Variants in DNM1 observed in about 807,000 individuals in gnomAD.
DNM1 encodes the protein dynamin-1.
DNM1 carries 29 observed loss-of-function variants against 104.6 expected under a neutral mutation model. The observed-to-expected ratio is 0.28, with a 90% confidence interval of 0.21 to 0.38. The LOEUF is 0.38. DNM1 is among the 10% of genes least tolerant of loss of function. The probability of loss-of-function intolerance (pLI) is 1.00; values close to 1 mark genes in which losing one functional copy is unlikely to be tolerated. For synonymous variants in DNM1, 445 were observed against 475.8 expected (o/e 0.94, Z 0.84); for missense variants, 640 against 1,189.4 (o/e 0.54, Z 6.79).
In DNM1 at chr9:128,233,815, C is replaced by T. The variant is rs1266972224; in HGVS notation, c.1336-206C>T. 2.6e-5 allele frequency: 15 copies of T among 587,306 alleles called. No homozygotes were observed. The Admixed American group carries it at 3.0e-4, about 12-fold the overall frequency. The allele number at this position is 587,306 out of a possible 1,614,324, so 36.4% of individuals were successfully genotyped here. A position where few individuals can be genotyped will look rare whatever the true frequency, so the allele number is the denominator to read the frequency against. ...GGAACCAGGAAGACCCTTGAATCAC[C>T]ATTTGGAACCCACACTTGGGGGAAA... is the stretch of plus-strand genomic sequence containing the variant. On this transcript the variant is annotated intron_variant, in intron 10 of 21. Coordinates refer to ENST00000372923, the MANE Select transcript of DNM1 (RefSeq NM_004408.4).
chr9:128,234,062 C>T lies in DNM1; in HGVS notation c.1377C>T (p.Ile459=), dbSNP rs756256016. Reference sequence around the variant, plus strand: ...GGCTACGGGAGGAGATGGAGCGCATCGTGACCACCCACATCCGGGAGCGCG... The same window carrying T: ...GGCTACGGGAGGAGATGGAGCGCATTGTGACCACCCACATCCGGGAGCGCG... ...YPRLREEMER[I]VTTHIREREG... is the part of the protein sequence containing the mutation. The change falls in exon 11 of 22, where the codon ATC becomes ATT. Residue 459 remains isoleucine (I), a synonymous_variant. Coordinates refer to ENST00000372923, the MANE Select transcript of DNM1 (RefSeq NM_004408.4). The T allele has an allele frequency of 4.4e-6, 7 of 1,579,426 alleles. No individual in the cohort carries two copies. The highest frequency in any genetic ancestry group is 4.3e-6 in the Non-Finnish European group (5 of 1,163,536).
intron 21 of DNM1, chr9:128,251,997 G>A (rs569780999): frequency 2.4e-4 from 41 of 170,196 alleles, no homozygotes; most frequent in Non-Finnish European, 4.5e-4. Context: ...AAGCAGATGC[G>A]TAGAGGCAAG....
At chr9:128,244,808 G>C (rs549122310) in intron 15 of DNM1, 1 of 534,076 alleles carries the variant, frequency 1.9e-6, no homozygotes, top group South Asian at 1.4e-5. Flanking sequence ...ACACTGGGTA[G>C]ACGGAGTGGA....
chr9:128,251,255 C>A (rs1048659170), intron 21 of DNM1: 8 of 551,364 alleles, frequency 1.5e-5, no homozygotes, highest in African/African-American at 1.1e-4. Flanking sequence ...CCACACGTTG[C>A]ATTCCTCCTC....
At position 128,220,905 on chromosome 9, in the gene DNM1, C is replaced by CT. The variant is rs1554773868; in HGVS notation, c.849+567dup. Among the ~76,000 whole-genome samples, 1 of 146,328 alleles carries CT rather than the reference C, an allele frequency of 6.8e-6. No individual in the cohort carries two copies. The highest frequency in any genetic ancestry group is 2.5e-5 in the African/African-American group (1 of 40,050). Reference sequence around the variant, plus strand: ...ATTTGTTTTCTTTCTTTCTTTCTTTCTTTCTTTCTTTCTTTCTTTCTTTCT... The same window carrying CT: ...ATTTGTTTTCTTTCTTTCTTTCTTTCTTTTCTTTCTTTCTTTCTTTCTTTCT... On this transcript the variant is annotated intron_variant, in intron 6 of 21. Transcript: ENST00000372923. This position sits in a 1 kb window ranked among gnomAD's most constrained non-coding sequence, Gnocchi z 5.2.
chr9:128,216,740 C>T (rs968049462), intron 1 of DNM1, among the ~76,000 whole-genome samples: 6 of 152,198 alleles, frequency 3.9e-5, no homozygotes, highest in Non-Finnish European at 8.8e-5. Flanking sequence ...GCTCCTGACC[C>T]TGGGGTGCAA....
At chr9:128,244,748 C>G (rs1246397225) in intron 15 of DNM1, 1 of 534,056 alleles carries the variant, frequency 1.9e-6, no homozygotes, top group Non-Finnish European at 3.9e-6. Flanking sequence ...CCCAGCCTAA[C>G]CAATGTGCAG....
At position 128,245,261 on chromosome 9, in the gene DNM1, G is replaced by A. The variant is rs1836712645; in HGVS notation, c.1672-1133G>A. 6.6e-6 allele frequency among the ~76,000 whole-genome samples: 1 copy of A among 152,082 alleles called. No homozygotes were observed. Among genetic ancestry groups the A allele is most frequent in the Admixed American group, 6.5e-5 (1 of 15,274 alleles). On this transcript the variant is annotated intron_variant, in intron 15 of 21. Coordinates refer to ENST00000372923, the MANE Select transcript of DNM1 (RefSeq NM_004408.4). This position sits in a 1 kb window ranked among gnomAD's most constrained non-coding sequence, Gnocchi z 5.2. ...TTTATGTGGCTGCATGGGCCAGGGG[G>A]GCGTTGGGGGCAGAGAGGGGTGGGC...
chr9:128,234,122 AC>A lies in DNM1; in HGVS notation c.1422+18del. ...CTAAGGAGCAGGTGAGCCCCGCAGC[AC>A]CCGGCCTGGCCGCGCCTTCCTTCCA... On this transcript the variant is annotated intron_variant, in intron 11 of 21. Transcript: ENST00000372923. 2 of 1,517,506 alleles carry A rather than the reference AC, an allele frequency of 1.3e-6. No homozygotes were observed. The highest frequency in any genetic ancestry group is 1.3e-5 in the South Asian group (1 of 79,948). 94.0% of individuals were successfully genotyped at this position (1,517,506 alleles called of 1,614,324 possible).
intron 1 of DNM1, among the ~76,000 whole-genome samples, chr9:128,215,576 T>G (rs1834553806): frequency 6.6e-6 from 1 of 152,206 alleles, no homozygotes; most frequent in Admixed American, 6.5e-5. Flanking sequence ...TAAGTAGCCC[T>G]GGGGAGGCAG....
rs771231538 is a variant in DNM1 at position 128,248,612 on chromosome 9, C to T, written c.1935C>T (p.Asp645=). The change falls in exon 19 of 22, where the codon GAC becomes GAT. Residue 645 remains aspartate (D), a synonymous_variant. Transcript: ENST00000372923. The surrounding 1 kb of genome is among the most constrained non-coding windows in gnomAD (Gnocchi z 5.6). ...KASETEENGS[D]SFMHSMDPQL... is the part of the protein sequence containing the mutation. ...GCGAGACCGAGGAGAATGGCTCCGA[C>T]AGCTTCATGCATTCCATGGACCCAC... 18 of 1,613,890 alleles carry T rather than the reference C, an allele frequency of 1.1e-5. No homozygotes were observed. The highest frequency in any genetic ancestry group is 1.5e-5 in the Non-Finnish European group (18 of 1,179,898).
At position 128,224,426 on chromosome 9, in the gene DNM1, G is replaced by T; in HGVS notation, c.1335+37G>T. ...GCCCGGGCCAGCCCCCACCGCCTCT[G>T]CCCCGCCCTGCACTGCTGCCAGGCG... On this transcript the variant is annotated intron_variant, in intron 10 of 21. Transcript: ENST00000372923. This position sits in a 1 kb window ranked among gnomAD's most constrained non-coding sequence, Gnocchi z 4.3. 1 of 1,589,540 alleles carries T rather than the reference G, an allele frequency of 6.3e-7. No individual in the cohort carries two copies. The highest frequency in any genetic ancestry group is 2.2e-5 in the East Asian group (1 of 44,484).
chr9:128,228,192 CCACCA>C (rs946285567), intron 10 of DNM1, among the ~76,000 whole-genome samples: 10 of 152,060 alleles, frequency 6.6e-5, no homozygotes, highest in Admixed American at 6.6e-4. Flanking sequence ...CAGGCTCCTC[CCACCA>C]CACCCAGCTA....
At chr9:128,236,717 C>T (rs1408140731) in intron 11 of DNM1, among the ~76,000 whole-genome samples, 1 of 152,016 alleles carries the variant, frequency 6.6e-6, no homozygotes, top group Non-Finnish European at 1.5e-5. Context: ...CTAGGTGAGG[C>T]GGCATGCACC....
chr9:128,211,668 C>G (rs1047585900), intron 1 of DNM1, among the ~76,000 whole-genome samples: 1 of 151,924 alleles, frequency 6.6e-6, no homozygotes, highest in Non-Finnish European at 1.5e-5. Flanking sequence ...GTGGCTGGCC[C>G]CTGGAAAGCT....
chr9:128,226,204 T>C (rs1396612626), intron 10 of DNM1: 1 of 1,611,036 alleles, frequency 6.2e-7, no homozygotes, highest in Non-Finnish European at 8.5e-7. Context: ...GGGCTGGGCC[T>C]GGCCGTCCAT....
Position 128,234,399 on chromosome 9 carries a change from A to G in DNM1, c.1422+292A>G, listed in dbSNP as rs149013231. On this transcript the variant is annotated intron_variant, in intron 11 of 21. Transcript: ENST00000372923. Reference sequence around the variant, plus strand: ...TTTTTTTGAGACAGAGTCTTGCTCTATCGTCCAGGCTGGAGTGCAGTGGTG... The same window carrying G: ...TTTTTTTGAGACAGAGTCTTGCTCTGTCGTCCAGGCTGGAGTGCAGTGGTG... 0.038 allele frequency among the ~76,000 whole-genome samples: 5,744 copies of G among 152,290 alleles called. 357 individuals are homozygous for G. Among genetic ancestry groups the G allele is most frequent in the African/African-American group, 0.13 (5,412 of 41,556 alleles).
intron 1 of DNM1, among the ~76,000 whole-genome samples, chr9:128,212,580 A>G (rs180901829): frequency 1.1e-4 from 16 of 152,312 alleles, no homozygotes; most frequent in Admixed American, 2.6e-4. Context: ...AATGTCTATG[A>G]TATGTTAGGT....
intron 1 of DNM1, among the ~76,000 whole-genome samples, chr9:128,206,673 C>T (rs186226071): frequency 2.0e-4 from 31 of 152,042 alleles, no homozygotes; most frequent in Admixed American, 6.5e-4. Context: ...GCAAAGGCCC[C>T]GGGGTAGCAA....
Sources: allele counts gnomAD v4.1 joint callset (sites outside exome capture counted in the v4.1 genomes callset), GRCh38; gene constraint gnomAD v4.1.1; non-coding constraint Gnocchi (gnomAD v3.1); transcripts MANE v1.5; gene names NCBI Gene and HGNC (gene_info 2026-07-23, HGNC 2026-07-21).